Variants in ASTN2 observed in about 807,000 individuals in gnomAD.
ASTN2 encodes astrotactin 2.
In ASTN2, 54 loss-of-function variants were observed where a neutral mutation model predicts 139.8. The observed-to-expected ratio is 0.39, with a 90% CI of 0.31 to 0.48. ASTN2 has a LOEUF of 0.48. Ranked by LOEUF, ASTN2 falls within the 20% of genes least tolerant of loss-of-function variation. ASTN2 has a pLI of 0.95. For missense variants in ASTN2, 1,565 were observed against 1,725.1 expected (o/e 0.91, Z 1.64); for synonymous variants, 756 against 719.5 (o/e 1.05, Z -0.81).
At chr9:117,043,880 C>G (rs1179089548) in intron 5 of ASTN2, among the ~76,000 whole-genome samples, 1 of 137,096 alleles carries the variant, frequency 7.3e-6, no homozygotes, top group Non-Finnish European at 1.5e-5. Flanking sequence ...TGCACTCCAG[C>G]TTGGGCCACA....
chr9:116,976,628 C>T (rs1022064421), intron 8 of ASTN2, 73 bp downstream of exon 8: 5 of 1,314,466 alleles, frequency 3.8e-6, no homozygotes, highest in African/African-American at 1.5e-5. Flanking sequence ...ATGCTTGGGG[C>T]CTCTGGTAAC....
At chr9:116,824,565 A>G (rs992637733) in intron 11 of ASTN2, among the ~76,000 whole-genome samples, 2 of 152,252 alleles carry the variant, frequency 1.3e-5, no homozygotes, top group Non-Finnish European at 2.9e-5. Flanking sequence ...AAGCCTGTTC[A>G]GATATTGGCA....
At chr9:116,804,254 A>T (rs10983355) in intron 13 of ASTN2, among the ~76,000 whole-genome samples, 1 of 151,946 alleles carries the variant, frequency 6.6e-6, no homozygotes, top group Non-Finnish European at 1.5e-5. Flanking sequence ...AGTCAGCTGG[A>T]GTTACATCTG....
At chr9:117,384,782 C>T (rs114617029) in intron 1 of ASTN2, among the ~76,000 whole-genome samples, 438 of 152,234 alleles carry the variant, frequency 2.9e-3, no homozygotes, top group African/African-American at 8.2e-3. Context: ...TCATTCTTCC[C>T]AATCCTACTT....
At chr9:116,813,190 T>C (rs1051013895) in intron 12 of ASTN2, among the ~76,000 whole-genome samples, 1 of 152,092 alleles carries the variant, frequency 6.6e-6, no homozygotes, top group Non-Finnish European at 1.5e-5. Context: ...AAATATAAAA[T>C]AAGTGCAGAG....
chr9:117,315,754 T>G (rs1000339254), intron 1 of ASTN2, among the ~76,000 whole-genome samples: 1 of 152,202 alleles, frequency 6.6e-6, no homozygotes, highest in Non-Finnish European at 1.5e-5. Flanking sequence ...CTGATTCTCG[T>G]TGAGATTCAT....
intron 10 of ASTN2, among the ~76,000 whole-genome samples, chr9:116,877,938 C>A (rs764219559): frequency 6.6e-6 from 1 of 152,068 alleles, no homozygotes; most frequent in African/African-American, 2.4e-5. Context: ...ATTCATGTGG[C>A]CAACAAACAT....
rs145674373 is a variant in ASTN2, at chr9:117,146,270, C to T, written c.1016-4792G>A. Among the ~76,000 whole-genome samples, 262 of 152,174 alleles carry T rather than the reference C, an allele frequency of 1.7e-3. 6 individuals carry two copies. The East Asian group carries it at 0.025, about 15-fold the overall frequency. On this transcript the variant is annotated intron_variant, in intron 3 of 22. Coordinates refer to ENST00000313400, the MANE Select transcript of ASTN2 (RefSeq NM_001365068.1). ...TGCTCACCCATCGCCTGGATGAATG[C>T]AACAGATGCTGCTTGATCTGAGCAT...
chr9:117,286,749 C>T (rs977095406), intron 2 of ASTN2, among the ~76,000 whole-genome samples: 1 of 152,230 alleles, frequency 6.6e-6, no homozygotes, highest in African/African-American at 2.4e-5. Flanking sequence ...CAACTCCTCT[C>T]CCTAACTGAC....
Position 116,706,387 on chromosome 9 carries a change from A to T in ASTN2, c.2806+19384T>A, listed in dbSNP as rs370591088. On this transcript the variant is annotated intron_variant, in intron 16 of 22. Transcript: ENST00000313400. ...CCATATCTGGACATGCCAGTAAGAA[A>T]GCTCAAATGCTTCCACCTTTGTGCC... Among the ~76,000 whole-genome samples, 172 of 152,142 alleles carry T rather than the reference A, an allele frequency of 1.1e-3. 1 individual carries two copies. Among genetic ancestry groups the T allele is most frequent in the African/African-American group, 4.0e-3 (166 of 41,510 alleles).
At chr9:116,514,945 G>A (rs574061172) in intron 19 of ASTN2, among the ~76,000 whole-genome samples, 8 of 152,106 alleles carry the variant, frequency 5.3e-5, no homozygotes, top group African/African-American at 1.7e-4. Flanking sequence ...TGTGCTTCCC[G>A]GGTGAGGCGA....
At chr9:116,845,354 C>T (rs974156133) in intron 11 of ASTN2, among the ~76,000 whole-genome samples, 6 of 152,212 alleles carry the variant, frequency 3.9e-5, no homozygotes, top group African/African-American at 1.2e-4. Context: ...CTCCTGACCT[C>T]GTGATCCGCC....
intron 17 of ASTN2, among the ~76,000 whole-genome samples, chr9:116,633,036 G>A (rs2131868435): frequency 6.6e-6 from 1 of 152,340 alleles, no homozygotes; most frequent in African/African-American, 2.4e-5. Context: ...TGTGATCTAT[G>A]TGATCTTAGT....
chr9:116,517,242 G>A (rs1463098376), intron 19 of ASTN2, among the ~76,000 whole-genome samples: 2 of 152,296 alleles, frequency 1.3e-5, no homozygotes, highest in East Asian at 3.9e-4. Context: ...CACAACTGAG[G>A]ACCATCACAG....
At chr9:116,736,303 C>G (rs1588251257) in intron 13 of ASTN2, among the ~76,000 whole-genome samples, 1 of 152,164 alleles carries the variant, frequency 6.6e-6, no homozygotes. Context: ...TCTCAGCTTG[C>G]CTTTCCCTAA....
chr9:117,177,100 T>A (rs1830936079), intron 3 of ASTN2, among the ~76,000 whole-genome samples: 2 of 152,126 alleles, frequency 1.3e-5, no homozygotes, highest in Admixed American at 6.6e-5. Flanking sequence ...CTGATTCTGG[T>A]TTTTGAGGAC....
intron 11 of ASTN2, among the ~76,000 whole-genome samples, chr9:116,859,170 G>A (rs1027217949): frequency 3.3e-5 from 5 of 152,190 alleles, no homozygotes; most frequent in South Asian, 2.1e-4. Context: ...AGATATTCTC[G>A]CTCTTTTAAG....
chr9:117,183,902 A>C (rs780918002), intron 3 of ASTN2, among the ~76,000 whole-genome samples: 2 of 152,082 alleles, frequency 1.3e-5, no homozygotes, highest in Non-Finnish European at 2.9e-5. Flanking sequence ...TTATGGGTGG[A>C]GCAAACCTCA....
intron 5 of ASTN2, among the ~76,000 whole-genome samples, chr9:117,064,029 C>T (rs535992765): frequency 6.6e-6 from 1 of 151,918 alleles, no homozygotes; most frequent in Admixed American, 6.6e-5. Context: ...TTTTGGCTGC[C>T]CTGAGCATGT....
Sources: gnomAD v4.1 joint callset for allele counts (sites outside exome capture counted in the v4.1 genomes callset) on GRCh38, gnomAD v4.1.1 for gene constraint, MANE v1.5 for transcripts, NCBI Gene and HGNC (gene_info 2026-07-23, HGNC 2026-07-21) for gene names.